The following SEMA4B variants were observed in gnomAD, a reference collection of about 807,000 sequenced individuals.
SEMA4B encodes the protein semaphorin-4B.
SEMA4B carries 55 observed loss-of-function variants against 88.1 expected under a neutral mutation model. That is an observed-to-expected ratio of 0.62 (90% CI 0.50 to 0.78). The LOEUF (loss-of-function observed/expected upper bound fraction) is 0.78, where lower values mean the gene tolerates loss of function less well. Ranked by LOEUF, SEMA4B falls within the 30% of genes least tolerant of loss-of-function variation. The pLI, the probability that SEMA4B is intolerant of heterozygous loss-of-function variation, is 0.00. For missense variants in SEMA4B, 1,062 were observed against 1,111.9 expected (o/e 0.96, Z 0.64); for synonymous variants, 525 against 473.6 (o/e 1.11, Z -1.41).
intron 3 of SEMA4B, among the ~76,000 whole-genome samples, chr15:90,218,764 C>T (rs112668630): frequency 0.034 from 5,173 of 152,106 alleles, 271 homozygotes; most frequent in African/African-American, 0.12. Context: ...TGCAGTGAGC[C>T]GAGATCTCGC....
chr15:90,187,736 G>A (rs1960206614), intron 1 of SEMA4B, among the ~76,000 whole-genome samples: 1 of 152,208 alleles, frequency 6.6e-6, no homozygotes, highest in Admixed American at 6.5e-5. Context: ...GCTGGGTGCA[G>A]TGACCCACGC....
chr15:90,190,848 T>A (rs1036059501), intron 1 of SEMA4B, among the ~76,000 whole-genome samples: 11 of 152,160 alleles, frequency 7.2e-5, no homozygotes, highest in Admixed American at 1.3e-4. Context: ...CCATCGTGAC[T>A]CATTGCAGCC....
chr15:90,225,501 G>A, intron 11 of SEMA4B, 104 bp downstream of exon 11: 2 of 1,313,664 alleles, frequency 1.5e-6, no homozygotes, highest in Non-Finnish European at 2.1e-6. Context: ...CAGGAGGATG[G>A]AAAGATAAAG....
rs1961795793 is a variant in SEMA4B at position 90,220,909 on chromosome 15, C to A, written c.484-73C>A. 8.1e-6 allele frequency: 8 copies of A among 992,518 alleles called. No homozygotes were observed. The South Asian group carries it at 9.8e-5, about 12-fold the overall frequency. The allele number at this position is 992,518 out of a possible 1,614,324, so 61.5% of individuals were successfully genotyped here. A position where few individuals can be genotyped will look rare whatever the true frequency, so the allele number is the denominator to read the frequency against. On this transcript the variant is annotated intron_variant, in intron 4 of 13. Coordinates refer to ENST00000411539, the MANE Select transcript of SEMA4B (RefSeq NM_198925.4). Reference sequence around the variant, plus strand: ...TGCAGAGTTGCCTTCTCCTGCACGCCTCTCTCTTTCTCACCAAGCCTGCTC... The same window carrying A: ...TGCAGAGTTGCCTTCTCCTGCACGCATCTCTCTTTCTCACCAAGCCTGCTC...
chr15:90,217,088 A>AT (rs907509240), intron 1 of SEMA4B: 158 of 179,990 alleles, frequency 8.8e-4, no homozygotes, highest in African/African-American at 3.3e-3. Flanking sequence ...CTAATACATC[A>AT]TTTTTTTTCC....
At chr15:90,204,322 C>G (rs1358084505) in intron 1 of SEMA4B, among the ~76,000 whole-genome samples, 1 of 152,224 alleles carries the variant, frequency 6.6e-6, no homozygotes, top group Non-Finnish European at 1.5e-5. Context: ...TGCCTAGGGA[C>G]AGTGGGGCTA....
At chr15:90,206,640 C>T in intron 1 of SEMA4B, 1 of 653,266 alleles carries the variant, frequency 1.5e-6, no homozygotes, top group South Asian at 1.6e-5. Context: ...CTGTTGAAGA[C>T]AGCCCTCATC....
chr15:90,221,004 C>G lies in SEMA4B; in HGVS notation c.506C>G (p.Ala169Gly). Reference sequence around the variant, plus strand: ...CAGAACATGGAGAACTTCACCCTGGCAAGGGACGAGAAGGGGAATGTCCTC... The same window carrying G: ...CAGAACATGGAGAACTTCACCCTGGGAAGGGACGAGAAGGGGAATGTCCTC... ...TYINMENFTL[A>G]RDEKGNVLLE... Residue 169 changes from alanine (A) to glycine (G), a missense_variant, in exon 5 of 14, where the codon GCA (alanine) becomes GGA (glycine). Physicochemically the swap from Ala to Gly is moderately conservative, Grantham distance 60 (BLOSUM62 0). Transcript: ENST00000411539. 1 of 1,609,380 alleles carries G rather than the reference C, an allele frequency of 6.2e-7. No individual in the cohort carries two copies. Among genetic ancestry groups the G allele is most frequent in the Non-Finnish European group, 8.5e-7 (1 of 1,177,896 alleles).
In SEMA4B at chr15:90,228,555, G is replaced by GCATC; in HGVS notation, c.2429_2432dup (p.Gln811HisfsTer25). ...ACTGAGTCAGAGAAGAGGCCACTCA[G>GCATC]CATCCAAGACAGCTTCGTGGAGGTA... On this transcript the variant is annotated frameshift_variant, in exon 14 of 14. Transcript: ENST00000411539. LOFTEE classifies it high-confidence loss of function. The GCATC allele has an allele frequency of 6.2e-7, 1 of 1,613,134 alleles. No homozygotes were observed. The highest frequency in any genetic ancestry group is 8.5e-7 in the Non-Finnish European group (1 of 1,179,522).
At chr15:90,202,170 A>G (rs1039285654) in intron 1 of SEMA4B, among the ~76,000 whole-genome samples, 2 of 152,182 alleles carry the variant, frequency 1.3e-5, no homozygotes, top group African/African-American at 4.8e-5. Context: ...CAGGGCCGGG[A>G]GCTGTGGTGG....
At chr15:90,205,118 C>T (rs1429364698) in intron 1 of SEMA4B, among the ~76,000 whole-genome samples, 1 of 152,188 alleles carries the variant, frequency 6.6e-6, no homozygotes, top group Non-Finnish European at 1.5e-5. Flanking sequence ...AAGTGCCGGG[C>T]GGGAAAGCTC....
intron 1 of SEMA4B, among the ~76,000 whole-genome samples, chr15:90,190,905 A>G (rs1054513993): frequency 2.6e-5 from 4 of 152,158 alleles, no homozygotes; most frequent in African/African-American, 9.7e-5. Flanking sequence ...CCTTCCAAGT[A>G]GCTGGGACCA....
intron 1 of SEMA4B, among the ~76,000 whole-genome samples, chr15:90,194,401 G>C (rs1004439275): frequency 6.6e-5 from 10 of 151,924 alleles, no homozygotes; most frequent in African/African-American, 2.4e-4. Flanking sequence ...GCGTGGTGGC[G>C]CATGTTTGTA....
chr15:90,211,722 A>G (rs1533326), intron 1 of SEMA4B, among the ~76,000 whole-genome samples: 57,631 of 151,950 alleles, frequency 0.38, 11,326 homozygotes, highest in African/African-American at 0.47. Flanking sequence ...AAGGGCTACA[A>G]CAGCCTTTCA....
rs1364278674 is a variant in SEMA4B at position 90,212,134 on chromosome 15, TACTC to T, written c.158-5303_158-5300del. Among the ~76,000 whole-genome samples, 2 of 14,144 alleles carry T rather than the reference TACTC, an allele frequency of 1.4e-4. No homozygotes were observed. Among genetic ancestry groups the T allele is most frequent in the Non-Finnish European group, 2.0e-4 (2 of 10,028 alleles). 9.3% of individuals were successfully genotyped at this position (14,144 alleles called of 152,430 possible). The stretch of plus-strand genomic sequence containing the variant: ...GGCTGAGTATTCCCACATCACTTCC[TACTC>T]AGAACCCCACTTCCTACTCAGAACC... On this transcript the variant is annotated intron_variant, in intron 1 of 13. Coordinates refer to ENST00000411539, the MANE Select transcript of SEMA4B (RefSeq NM_198925.4). This position sits in a 1 kb window ranked among gnomAD's most constrained non-coding sequence, Gnocchi z 4.0.
chr15:90,196,163 C>G (rs1236426222), intron 1 of SEMA4B, among the ~76,000 whole-genome samples: 2 of 142,572 alleles, frequency 1.4e-5, no homozygotes, highest in East Asian at 4.3e-4. Flanking sequence ...CTCCTGACCT[C>G]GTGATCCGCC....
chr15:90,188,668 C>T (rs978820284), intron 1 of SEMA4B, among the ~76,000 whole-genome samples: 4 of 151,754 alleles, frequency 2.6e-5, no homozygotes, highest in Non-Finnish European at 5.9e-5. Flanking sequence ...GATCAGGATA[C>T]GTATTGTCTT....
At chr15:90,225,432 T>A in intron 11 of SEMA4B, 35 bp downstream of exon 11, 1 of 1,530,058 alleles carries the variant, frequency 6.5e-7, no homozygotes, top group Non-Finnish European at 8.9e-7. Flanking sequence ...GGCAGGGTAC[T>A]TGGGGGGTGC....
In SEMA4B at chr15:90,225,273, A is replaced by C; in HGVS notation, c.1406-9A>C. The C allele has an allele frequency of 3.9e-6, 6 of 1,555,558 alleles. No homozygotes were observed. The highest frequency in any genetic ancestry group is 5.2e-6 in the Non-Finnish European group (6 of 1,149,654). On this transcript the variant is annotated splice_polypyrimidine_tract_variant and intron_variant, in intron 10 of 13. Coordinates refer to ENST00000411539, the MANE Select transcript of SEMA4B (RefSeq NM_198925.4). The stretch of plus-strand genomic sequence containing the variant: ...TCCACCCAGGGCCTGAGTCCTGTCC[A>C]CACCCCAGGTGACGGCCGGCTCCAC...
Sources: gnomAD v4.1 joint callset for allele counts (sites outside exome capture counted in the v4.1 genomes callset) on GRCh38, gnomAD v4.1.1 for gene constraint, Gnocchi (gnomAD v3.1) non-coding constraint, MANE v1.5 for transcripts, NCBI Gene and HGNC (gene_info 2026-07-23, HGNC 2026-07-21) for gene names.